The following NPLOC4 variants were observed in gnomAD, a reference collection of about 807,000 sequenced individuals.
The protein encoded by NPLOC4 is nuclear protein localization protein 4 homolog.
NPLOC4 carries 18 observed loss-of-function variants against 80.6 expected under a neutral mutation model. That is an observed-to-expected ratio of 0.22 (90% confidence interval 0.15 to 0.33). The LOEUF is 0.33. NPLOC4 is among the 10% of genes least tolerant of loss of function. The pLI is 1.00. For synonymous variants in NPLOC4, 313 were observed against 301.5 expected, an observed-to-expected ratio of 1.04 and a Z score of -0.39; for missense variants, 540 against 786.1, an observed-to-expected ratio of 0.69 and a Z score of 3.74.
chr17:81,625,531 A>T (rs1218986981), intron 2 of NPLOC4, among the ~76,000 whole-genome samples: 2 of 152,234 alleles, frequency 1.3e-5, no homozygotes, highest in Admixed American at 1.3e-4. Context: ...AAGAACAGAA[A>T]TAAAAAATTC....
intron 16 of NPLOC4, chr17:81,562,707 G>A (rs2033885867): frequency 6.6e-6 from 1 of 152,182 alleles, no homozygotes; most frequent in African/African-American, 2.4e-5. Flanking sequence ...TCAGCACTGA[G>A]GCGGGAGGAT....
At chr17:81,608,580 A>C (rs1277026319) in intron 6 of NPLOC4, 148 bp downstream of exon 6, 9 of 582,978 alleles carry the variant, frequency 1.5e-5, no homozygotes, top group Non-Finnish European at 2.4e-5. Context: ...AAATAAATAA[A>C]TAAATATAGA....
chr17:81,565,685 C>A, intron 15 of NPLOC4, 78 bp from the exon 16 acceptor site: 1 of 1,072,476 alleles, frequency 9.3e-7, no homozygotes, highest in South Asian at 1.6e-5. Context: ...GTTTCTTTCT[C>A]CCCAACATCA....
chr17:81,612,519 T>C (rs1410247367), intron 4 of NPLOC4, among the ~76,000 whole-genome samples: 1 of 152,220 alleles, frequency 6.6e-6, no homozygotes, highest in Non-Finnish European at 1.5e-5. Flanking sequence ...GCACCATTTA[T>C]GGCTCTCTGA....
intron 1 of NPLOC4, 82 bp downstream of exon 1, chr17:81,636,834 G>A: frequency 2.3e-6 from 3 of 1,296,346 alleles, no homozygotes; most frequent in Admixed American, 3.6e-5. Context: ...GCGCCGGCAG[G>A]CCCGCCTCCC....
intron 11 of NPLOC4, among the ~76,000 whole-genome samples, chr17:81,592,268 C>T (rs1372421010): frequency 6.6e-6 from 1 of 152,198 alleles, no homozygotes; most frequent in Non-Finnish European, 1.5e-5. Context: ...GGGGTCCCCG[C>T]ATGGCCGTGA....
At chr17:81,604,820 C>G in intron 7 of NPLOC4, 93 bp from the exon 8 acceptor site, 1 of 1,205,628 alleles carries the variant, frequency 8.3e-7, no homozygotes. Context: ...ATATCTTTTA[C>G]CTAGTTCTTT....
chr17:81,597,038 G>A (rs113273770), intron 10 of NPLOC4, among the ~76,000 whole-genome samples: 13,399 of 152,190 alleles, frequency 0.088, 644 homozygotes, highest in Middle Eastern at 0.17. Flanking sequence ...GCGTGAACCC[G>A]GGAGGCATTG....
chr17:81,568,146 G>A (rs1377356841), intron 14 of NPLOC4: 1 of 151,782 alleles, frequency 6.6e-6, no homozygotes, highest in African/African-American at 2.4e-5. Flanking sequence ...AATGCGCCCT[G>A]GTCCCCCGGT....
At chr17:81,602,962 CACAT>C (rs1568146367) in intron 8 of NPLOC4, among the ~76,000 whole-genome samples, 2 of 138,258 alleles carry the variant, frequency 1.4e-5, no homozygotes, top group Non-Finnish European at 1.5e-5. Flanking sequence ...TATATATACA[CACAT>C]ATATATACAC....
intron 4 of NPLOC4, among the ~76,000 whole-genome samples, chr17:81,611,953 C>A (rs534791820): frequency 9.2e-6 from 1 of 108,592 alleles, no homozygotes; most frequent in East Asian, 2.1e-4. Flanking sequence ...GAGCGAGAGT[C>A]CATCTCAAAA....
intron 6 of NPLOC4, 131 bp downstream of exon 6, chr17:81,608,597 G>A: frequency 4.8e-6 from 3 of 629,742 alleles, no homozygotes; most frequent in South Asian, 4.0e-5. Flanking sequence ...TAGAACCACG[G>A]TAACTTTCAA....
At chr17:81,582,505 GA>G (rs2034470688) in intron 12 of NPLOC4, among the ~76,000 whole-genome samples, 1 of 152,190 alleles carries the variant, frequency 6.6e-6, no homozygotes, top group Admixed American at 6.5e-5. Context: ...GGGCTAAAGA[GA>G]TCCTTCTGAC....
At chr17:81,570,389 C>T (rs1384859046) in intron 13 of NPLOC4, among the ~76,000 whole-genome samples, 1 of 152,230 alleles carries the variant, frequency 6.6e-6, no homozygotes, top group East Asian at 1.9e-4. Flanking sequence ...GAGGTGCTGA[C>T]CTCCTGCAGA....
intron 2 of NPLOC4, among the ~76,000 whole-genome samples, chr17:81,626,098 G>A (rs2035787647): frequency 1.4e-5 from 2 of 147,682 alleles, no homozygotes; most frequent in South Asian, 2.2e-4. Flanking sequence ...GCAGTGGGCA[G>A]AGATTGCGCC....
intron 1 of NPLOC4, among the ~76,000 whole-genome samples, chr17:81,630,764 C>T (rs1282091424): frequency 6.6e-6 from 1 of 152,128 alleles, no homozygotes; most frequent in Non-Finnish European, 1.5e-5. Context: ...ATGGTCTCAG[C>T]TACTTGGGGA....
Position 81,600,435 on chromosome 17 carries a change from G to T in NPLOC4, c.835-8C>A. 1 of 1,606,748 alleles carries T rather than the reference G, an allele frequency of 6.2e-7. No homozygotes were observed. The highest frequency in any genetic ancestry group is 8.5e-7 in the Non-Finnish European group (1 of 1,175,498). The stretch of plus-strand genomic sequence containing the variant: ...GCTGTTCTGTGTACCAATCTGCAGG[G>T]AATCAAAGGGAGAAGATGGACTTAG... On this transcript the variant is annotated splice_region_variant and splice_polypyrimidine_tract_variant and intron_variant, in intron 8 of 16. Transcript: ENST00000331134.
chr17:81,603,622 A>T (rs1693647580), intron 8 of NPLOC4, among the ~76,000 whole-genome samples: 1 of 152,134 alleles, frequency 6.6e-6, no homozygotes, highest in African/African-American at 2.4e-5. Flanking sequence ...AAAATTAAAA[A>T]TTTCTAACAT....
At chr17:81,625,336 G>C (rs1293201132) in intron 2 of NPLOC4, among the ~76,000 whole-genome samples, 1 of 152,188 alleles carries the variant, frequency 6.6e-6, no homozygotes, top group Non-Finnish European at 1.5e-5. Context: ...CAGACACACT[G>C]CAGTGAAGCC....
Sources: gnomAD v4.1 joint callset for allele counts (sites outside exome capture counted in the v4.1 genomes callset) on GRCh38, gnomAD v4.1.1 for gene constraint, MANE v1.5 for transcripts, NCBI Gene and HGNC (gene_info 2026-07-23, HGNC 2026-07-21) for gene names.